The following CACNA1E variants were observed in gnomAD, a reference collection of about 807,000 sequenced individuals.
CACNA1E encodes voltage-dependent R-type calcium channel subunit alpha-1E.
Under a neutral mutation model 259.2 loss-of-function variants are expected in CACNA1E, and 40 were observed. The observed-to-expected ratio is 0.15, with a 90% CI of 0.12 to 0.20. The LOEUF is 0.20. CACNA1E is among the 10% of genes least tolerant of loss of function. The pLI, the probability that CACNA1E is intolerant of heterozygous loss-of-function variation, is 1.00. For missense variants in CACNA1E, 1,874 were observed against 3,040.1 expected, an observed-to-expected ratio of 0.62 and a Z score of 9.02; for synonymous variants, 1,104 against 1,138.5, an observed-to-expected ratio of 0.97 and a Z score of 0.61.
intron 7 of CACNA1E, among the ~76,000 whole-genome samples, chr1:181,687,833 G>A (rs984736888): frequency 6.6e-6 from 1 of 151,830 alleles, no homozygotes; most frequent in African/African-American, 2.4e-5. Flanking sequence ...AATAAACAAA[G>A]GCTTATTGAT....
chr1:181,624,761 T>C (rs963054005), intron 6 of CACNA1E, among the ~76,000 whole-genome samples: 1 of 152,232 alleles, frequency 6.6e-6, no homozygotes, highest in African/African-American at 2.4e-5. Context: ...TTTTTACCAC[T>C]TCCCATGAAT....
In CACNA1E at chr1:181,736,168, C is replaced by T. The variant is rs1365355971; in HGVS notation, c.3263-107C>T. Reference sequence around the variant, plus strand: ...CTGCAGGGCACCTTGTTAGGGACATCCCTGGAGCCCTTTCTCCTCCTCTCC... The same window carrying T: ...CTGCAGGGCACCTTGTTAGGGACATTCCTGGAGCCCTTTCTCCTCCTCTCC... On this transcript the variant is annotated intron_variant, in intron 21 of 47. Coordinates refer to ENST00000367573, the MANE Select transcript of CACNA1E (RefSeq NM_001205293.3). 5.2e-6 allele frequency: 7 copies of T among 1,348,190 alleles called. No homozygotes were observed. The East Asian group carries it at 1.8e-4, about 34-fold the overall frequency. The allele number at this position is 1,348,190 out of a possible 1,614,324, so 83.5% of individuals were successfully genotyped here.
At chr1:181,671,590 G>A (rs199552471) in intron 7 of CACNA1E, among the ~76,000 whole-genome samples, 108 of 152,258 alleles carry the variant, frequency 7.1e-4, no homozygotes, top group African/African-American at 1.9e-3. Context: ...ATCTGACCCC[G>A]TGTGATTCTA....
At chr1:181,416,348 A>G (rs80255673) in intron 2 of CACNA1E, among the ~76,000 whole-genome samples, 3 of 152,298 alleles carry the variant, frequency 2.0e-5, no homozygotes, top group East Asian at 3.9e-4. Context: ...CTTATCTGCC[A>G]TTCTGCAAGC....
At chr1:181,347,840 A>T (rs1652724270) in intron 1 of CACNA1E, among the ~76,000 whole-genome samples, 1 of 152,264 alleles carries the variant, frequency 6.6e-6, no homozygotes. Flanking sequence ...TCTGGTGAGA[A>T]GTGCTCTAAG....
intron 1 of CACNA1E, among the ~76,000 whole-genome samples, chr1:181,333,167 C>T (rs947234331): frequency 1.2e-4 from 18 of 152,172 alleles, no homozygotes; most frequent in African/African-American, 2.7e-4. Context: ...AAGCAATTCA[C>T]GGTGAGGCAG....
intron 1 of CACNA1E, among the ~76,000 whole-genome samples, chr1:181,324,404 A>G: frequency 6.6e-6 from 1 of 152,254 alleles, no homozygotes; most frequent in East Asian, 1.9e-4. Context: ...AAAATGAAAT[A>G]GGATCTATAT....
At chr1:181,450,001 T>C (rs1276758354) in intron 2 of CACNA1E, among the ~76,000 whole-genome samples, 1 of 152,112 alleles carries the variant, frequency 6.6e-6, no homozygotes, top group Non-Finnish European at 1.5e-5. Context: ...GAGGTTTAAT[T>C]GACTCACAGT....
At chr1:181,534,988 A>G (rs1668061693) in intron 3 of CACNA1E, among the ~76,000 whole-genome samples, 1 of 152,212 alleles carries the variant, frequency 6.6e-6, no homozygotes, top group African/African-American at 2.4e-5. Flanking sequence ...GACAAATGCC[A>G]ACCAAAAGTA....
At chr1:181,643,441 G>A (rs974706885) in intron 6 of CACNA1E, among the ~76,000 whole-genome samples, 2 of 152,190 alleles carry the variant, frequency 1.3e-5, no homozygotes, top group Admixed American at 6.5e-5. Context: ...GGCAGCCTTC[G>A]TAGTCCTATG....
In CACNA1E at chr1:181,771,309, A is replaced by G. The variant is rs1448791131; in HGVS notation, c.4898A>G (p.Lys1633Arg). 1.9e-6 allele frequency: 3 copies of G among 1,581,870 alleles called. No individual in the cohort carries two copies. The highest frequency in any genetic ancestry group is 1.7e-6 in the Non-Finnish European group (2 of 1,158,948). The change falls in exon 36 of 48, where the codon AAA becomes AGA. Residue 1633 changes from lysine to arginine, a missense_variant. Lys to Arg is a conservative substitution (Grantham distance 26). Around this residue, in one of 14 missense-constraint regions of CACNA1E, gnomAD observed 147 missense variants for 337.1 expected, o/e 0.44. Transcript: ENST00000367573. The part of the protein sequence containing the change: ...IIGMQVFGNI[K>R]LDEESHINRH... ...CTCCTCAAGGTATTTGGAAACATAA[A>G]ATTAGACGAGGAGAGTCACATCAAC...
intron 2 of CACNA1E, among the ~76,000 whole-genome samples, chr1:181,470,894 A>C (rs1015112009): frequency 6.6e-6 from 1 of 152,136 alleles, no homozygotes; most frequent in Admixed American, 6.5e-5. Context: ...TGTCTCTTGC[A>C]ATAAGGTTGT....
At chr1:181,415,302 T>C (rs1464126933) in intron 2 of CACNA1E, among the ~76,000 whole-genome samples, 1 of 152,164 alleles carries the variant, frequency 6.6e-6, no homozygotes, top group Non-Finnish European at 1.5e-5. Flanking sequence ...TAAGTTAAAC[T>C]TTACTGATTG....
At chr1:181,680,969 C>T (rs1210405801) in intron 7 of CACNA1E, among the ~76,000 whole-genome samples, 2 of 152,230 alleles carry the variant, frequency 1.3e-5, no homozygotes, top group African/African-American at 4.8e-5. Flanking sequence ...ACCTTTTCAA[C>T]AAGTACCCGT....
Position 181,763,413 on chromosome 1 carries a change from A to T in CACNA1E, c.4697A>T (p.Asn1566Ile). ...EIILTDSKLV[N>I]TSGFNMSFLK... The stretch of plus-strand genomic sequence containing the variant: ...TTCCTTTTGGTCCACCAGCTGGTGA[A>T]CACCAGTGGCTTCAATATGAGCTTT... The change falls in exon 34 of 48, where the codon AAC (asparagine) becomes ATC (isoleucine). Residue 1566 changes from asparagine (N) to isoleucine (I), a missense_variant. By Grantham distance (149) the Asn-to-Ile change is moderately radical. Coordinates refer to ENST00000367573, the MANE Select transcript of CACNA1E (RefSeq NM_001205293.3). 1 of 1,585,284 alleles carries T rather than the reference A, an allele frequency of 6.3e-7. No individual in the cohort carries two copies. The highest frequency in any genetic ancestry group is 2.3e-5 in the East Asian group (1 of 44,210).
chr1:181,534,161 T>G (rs918070373), intron 3 of CACNA1E, among the ~76,000 whole-genome samples: 1 of 152,098 alleles, frequency 6.6e-6, no homozygotes, highest in African/African-American at 2.4e-5. Flanking sequence ...AGACAGATGT[T>G]CCTTATAATG....
intron 3 of CACNA1E, among the ~76,000 whole-genome samples, chr1:181,542,055 G>A (rs1264789560): frequency 2.6e-5 from 4 of 152,116 alleles, no homozygotes; most frequent in African/African-American, 7.2e-5. Context: ...GACACTCAAG[G>A]AGCCCTATGG....
intron 6 of CACNA1E, among the ~76,000 whole-genome samples, chr1:181,615,371 G>A (rs1430426171): frequency 6.6e-6 from 1 of 151,940 alleles, no homozygotes; most frequent in African/African-American, 2.4e-5. Context: ...TGTATTTTTA[G>A]TCGAGATGTG....
intron 3 of CACNA1E, among the ~76,000 whole-genome samples, chr1:181,551,466 C>T (rs527751055): frequency 7.9e-5 from 12 of 152,262 alleles, no homozygotes; most frequent in African/African-American, 2.9e-4. Flanking sequence ...TTTAGGATTC[C>T]AGAGGGTCAC....
Sources: allele counts gnomAD v4.1 joint callset (sites outside exome capture counted in the v4.1 genomes callset), GRCh38; gene constraint gnomAD v4.1.1; regional missense constraint gnomAD v4.1.1; transcripts MANE v1.5; gene names NCBI Gene and HGNC (gene_info 2026-07-23, HGNC 2026-07-21).